ISLR2: variants seen among roughly 807,000 people sequenced by gnomAD.
ISLR2 encodes the protein immunoglobulin superfamily containing leucine-rich repeat protein 2.
A neutral mutation model predicts 25.5 loss-of-function variants in ISLR2; 16 were observed. The observed-to-expected ratio is 0.63, with a 90% CI of 0.43 to 0.95. ISLR2 has a LOEUF of 0.95. Ranked by LOEUF, ISLR2 falls within the 40% of genes least tolerant of loss-of-function variation. The pLI is 0.00. For missense variants in ISLR2, 883 were observed against 1,030.7 expected (o/e 0.86, Z 1.96); for synonymous variants, 508 against 486.6 (o/e 1.04, Z -0.58).
upstream of ISLR2, among the ~76,000 whole-genome samples, chr15:74,124,171 A>T (rs142665342): frequency 2.7e-5 from 4 of 149,716 alleles, no homozygotes; most frequent in East Asian, 7.8e-4. Flanking sequence ...GTCCATTATA[A>T]TCCTGGTCAT....
chr15:74,118,300 C>T (rs1281478977), intron 2 of ISLR2, among the ~76,000 whole-genome samples: 1 of 152,116 alleles, frequency 6.6e-6, no homozygotes, highest in African/African-American at 2.4e-5. Flanking sequence ...ACAGAGATCA[C>T]ATGCTTCACA....
intron 2 of ISLR2, among the ~76,000 whole-genome samples, chr15:74,120,614 G>A (rs1442618775): frequency 6.6e-6 from 1 of 151,896 alleles, no homozygotes; most frequent in Non-Finnish European, 1.5e-5. Context: ...TGCACTCATA[G>A]AGTCGGCTTG....
intron 2 of ISLR2, among the ~76,000 whole-genome samples, chr15:74,118,893 G>A (rs1053384682): frequency 6.6e-6 from 1 of 151,994 alleles, no homozygotes; most frequent in Non-Finnish European, 1.5e-5. Context: ...TCTTGACCTC[G>A]TGATCCATCC....
At chr15:74,114,575 A>T (rs2072196392) in intron 2 of ISLR2, among the ~76,000 whole-genome samples, 1 of 151,556 alleles carries the variant, frequency 6.6e-6, no homozygotes, top group African/African-American at 2.4e-5. Flanking sequence ...GTGAGCCGAG[A>T]TGGCGCCACT....
intron 2 of ISLR2, among the ~76,000 whole-genome samples, chr15:74,110,923 C>A (rs549137089): frequency 6.6e-6 from 1 of 151,730 alleles, no homozygotes; most frequent in East Asian, 2.0e-4. Flanking sequence ...TGAGATCGTG[C>A]CATCGCACTC....
downstream of ISLR2, chr15:74,136,899 T>C (rs1457258410): frequency 6.2e-6 from 1 of 162,486 alleles, no homozygotes; most frequent in East Asian, 1.9e-4. Flanking sequence ...GAGCCTCCCG[T>C]TGGAATCTTT....
chr15:74,130,957 T>G (rs1449773844), intron 1 of ISLR2: 1 of 152,084 alleles, frequency 6.6e-6, no homozygotes, highest in Non-Finnish European at 1.5e-5. Context: ...GGGATGCCCC[T>G]TATGACCGAC....
At chr15:74,138,161 G>A (rs904972788), downstream of ISLR2, among the ~76,000 whole-genome samples, 1 of 151,786 alleles carries the variant, frequency 6.6e-6, no homozygotes, top group Non-Finnish European at 1.5e-5. Flanking sequence ...AGAGCAATGT[G>A]GCTTTTTCGT....
chr15:74,109,860 G>A (rs1275110631), intron 2 of ISLR2, among the ~76,000 whole-genome samples: 1 of 152,134 alleles, frequency 6.6e-6, no homozygotes, highest in Non-Finnish European at 1.5e-5. Flanking sequence ...TAATGGTGCA[G>A]TCACAGCTCA....
Position 74,134,316 on chromosome 15 carries a change from G to A in ISLR2, c.1562G>A (p.Arg521Gln), listed in dbSNP as rs761572565. ...CCCGGCGGGGCTGGCGGAGCCCCGC[G>A]ACCCGGGCGGCGACCCCTGCGCCTA... ...PGPGGAGGAP[R>Q]PGRRPLRLLY... Residue 521 changes from arginine (R) to glutamine (Q), a missense_variant, in exon 3 of 3, where the codon CGA (arginine) becomes CAA (glutamine). This residue lies in a region of ISLR2 where 612 missense variants were observed against 642.8 expected (regional missense o/e 0.95). Coordinates refer to ENST00000453268, the MANE Select transcript of ISLR2 (RefSeq NM_020851.3). 6.5e-6 allele frequency: 10 copies of A among 1,530,974 alleles called. 1 individual carries two copies. Among genetic ancestry groups the A allele is most frequent in the Admixed American group, 6.5e-5 (3 of 46,152 alleles). 94.8% of individuals were successfully genotyped at this position (1,530,974 alleles called of 1,614,324 possible). A position where few individuals can be genotyped will look rare whatever the true frequency, so the allele number is the denominator to read the frequency against.
chr15:74,130,901 TG>T (rs2072399999), intron 1 of ISLR2, among the ~76,000 whole-genome samples: 1 of 151,562 alleles, frequency 6.6e-6, no homozygotes, highest in African/African-American at 2.4e-5. Flanking sequence ...ACGTGGGTTA[TG>T]GGGGTGCAGT....
intron 2 of ISLR2, among the ~76,000 whole-genome samples, chr15:74,106,785 C>G (rs1489006739): frequency 1.3e-5 from 2 of 152,102 alleles, no homozygotes; most frequent in Non-Finnish European, 2.9e-5. Flanking sequence ...TCTGCATCTA[C>G]TAGGCTGGGA....
At chr15:74,128,198 G>C, upstream of ISLR2, 5 of 318,934 alleles carry the variant, frequency 1.6e-5, no homozygotes, top group South Asian at 1.3e-4. Context: ...CTCGGAGGCA[G>C]ATCCAGAAGT....
chr15:74,110,608 A>T (rs1264501247), intron 2 of ISLR2, among the ~76,000 whole-genome samples: 7 of 151,544 alleles, frequency 4.6e-5, no homozygotes, highest in Non-Finnish European at 2.9e-5. Flanking sequence ...ATTTGAGGTC[A>T]GGAGTTCGAG....
chr15:74,130,033 G>C (rs564843180), upstream of ISLR2: 1 of 152,188 alleles, frequency 6.6e-6, no homozygotes, highest in East Asian at 1.9e-4. Flanking sequence ...GTGCGCGCAG[G>C]CCAACGCGTC....
At chr15:74,106,938 C>T (rs959914526) in intron 2 of ISLR2, among the ~76,000 whole-genome samples, 1 of 152,138 alleles carries the variant, frequency 6.6e-6, no homozygotes, top group African/African-American at 2.4e-5. Flanking sequence ...CAGCTCCGAA[C>T]TCGTACTAGT....
chr15:74,141,532 T>C (rs1177106243), downstream of ISLR2, among the ~76,000 whole-genome samples: 2 of 152,218 alleles, frequency 1.3e-5, no homozygotes, highest in Non-Finnish European at 2.9e-5. Flanking sequence ...AGAATGCTAA[T>C]AGTCACCACC....
chr15:74,124,841 G>A (rs2072280496), upstream of ISLR2, among the ~76,000 whole-genome samples: 1 of 152,194 alleles, frequency 6.6e-6, no homozygotes, highest in Non-Finnish European at 1.5e-5. Flanking sequence ...AGGCACCAAG[G>A]GACCCAGTCC....
downstream of ISLR2, among the ~76,000 whole-genome samples, chr15:74,141,383 G>A (rs2072609977): frequency 6.6e-6 from 1 of 152,160 alleles, no homozygotes; most frequent in African/African-American, 2.4e-5. Flanking sequence ...AGCCATTTGA[G>A]AGAAAAATTT....
Sources: allele counts gnomAD v4.1 joint callset (sites outside exome capture counted in the v4.1 genomes callset), GRCh38; gene constraint gnomAD v4.1.1; regional missense constraint gnomAD v4.1.1; transcripts MANE v1.5; gene names NCBI Gene and HGNC (gene_info 2026-07-23, HGNC 2026-07-21).